The following DLGAP1 variants were observed in gnomAD, a reference collection of about 807,000 sequenced individuals.
DLGAP1 encodes disks large-associated protein 1.
Under a neutral mutation model 90.8 loss-of-function variants are expected in DLGAP1, and 11 were observed. The observed-to-expected ratio is 0.12, with a 90% CI of 0.08 to 0.20. The LOEUF (loss-of-function observed/expected upper bound fraction) is 0.20, where lower values mean the gene tolerates loss of function less well. Ranked by LOEUF, DLGAP1 falls within the 10% of genes least tolerant of loss-of-function variation. The pLI is 1.00. For missense variants in DLGAP1, 1,050 were observed against 1,333.8 expected (o/e 0.79, Z 3.31); for synonymous variants, 558 against 540.7 (o/e 1.03, Z -0.44).
At position 4,164,506 on chromosome 18, in the gene DLGAP1, C is replaced by T. The variant is rs549906649; in HGVS notation, c.-266-13219G>A. ...ACCAGCCTGGCCAACATGGTGAAAC[C>T]CCGTCCCTACTAAAAATACAAAAAT... is the stretch of plus-strand genomic sequence containing the variant. On this transcript the variant is annotated intron_variant, in intron 1 of 12. Coordinates refer to ENST00000315677, the MANE Select transcript of DLGAP1 (RefSeq NM_004746.4). Among the ~76,000 whole-genome samples the T allele has an allele frequency of 3.9e-5, 6 of 152,056 alleles. No homozygotes were observed. In the East Asian group the frequency reaches 9.7e-4, roughly 25 times the overall value.
intron 2 of DLGAP1, among the ~76,000 whole-genome samples, chr18:4,118,220 C>T (rs1339400270): frequency 6.6e-6 from 1 of 151,970 alleles, no homozygotes; most frequent in Non-Finnish European, 1.5e-5. Context: ...TAAAGCCAGC[C>T]CCTGCAGGCC....
chr18:3,936,936 C>A (rs1259250358), intron 3 of DLGAP1, among the ~76,000 whole-genome samples: 1 of 152,192 alleles, frequency 6.6e-6, no homozygotes, highest in Non-Finnish European at 1.5e-5. Flanking sequence ...GCATTGGAAA[C>A]TAGTCAACTC....
At chr18:3,683,952 T>TG (rs1335947989) in intron 7 of DLGAP1, among the ~76,000 whole-genome samples, 2 of 152,068 alleles carry the variant, frequency 1.3e-5, no homozygotes, top group African/African-American at 2.4e-5. Flanking sequence ...TCTCCCTCAC[T>TG]GGGGGGACAC....
intron 1 of DLGAP1, chr18:4,281,067 T>G (rs937853359): frequency 2.1e-4 from 32 of 152,340 alleles, no homozygotes; most frequent in African/African-American, 6.3e-4. Context: ...ACTATCAGCC[T>G]AATAATGTCT....
intron 9 of DLGAP1, among the ~76,000 whole-genome samples, chr18:3,541,038 G>A (rs566937271): frequency 2.6e-4 from 40 of 152,234 alleles, no homozygotes; most frequent in Admixed American, 8.5e-4. Flanking sequence ...GCCCCCAGAA[G>A]GAACTGCTTT....
intron 9 of DLGAP1, among the ~76,000 whole-genome samples, chr18:3,564,702 G>A (rs2054334785): frequency 6.6e-6 from 1 of 152,060 alleles, no homozygotes; most frequent in South Asian, 2.1e-4. Flanking sequence ...TCAATATTGA[G>A]CCTCCAACAA....
intron 1 of DLGAP1, among the ~76,000 whole-genome samples, chr18:4,339,151 C>T (rs1294536632): frequency 6.6e-6 from 1 of 152,172 alleles, no homozygotes; most frequent in Non-Finnish European, 1.5e-5. Context: ...TTTCAGTCTA[C>T]TGAGTTAAGT....
At chr18:3,767,870 G>T (rs2064327559) in intron 5 of DLGAP1, among the ~76,000 whole-genome samples, 1 of 152,052 alleles carries the variant, frequency 6.6e-6, no homozygotes. Context: ...ACAAGACAAA[G>T]ATTTCCACTC....
chr18:3,754,442 G>A (rs1268128001), intron 5 of DLGAP1, among the ~76,000 whole-genome samples: 1 of 151,362 alleles, frequency 6.6e-6, no homozygotes, highest in Non-Finnish European at 1.5e-5. Context: ...TGGAAGATTT[G>A]CAACAATTTG....
chr18:4,027,578 C>A (rs2074724681), intron 2 of DLGAP1, among the ~76,000 whole-genome samples: 1 of 143,852 alleles, frequency 7.0e-6, no homozygotes, highest in Non-Finnish European at 1.5e-5. Context: ...AGACGGCACA[C>A]TTACCTAGTG....
intron 3 of DLGAP1, among the ~76,000 whole-genome samples, chr18:3,980,683 T>C (rs933187514): frequency 2.6e-5 from 4 of 152,190 alleles, no homozygotes; most frequent in African/African-American, 9.7e-5. Context: ...CCCGATAGTT[T>C]GTCCATATGC....
At chr18:3,787,759 C>T (rs567654489) in intron 5 of DLGAP1, among the ~76,000 whole-genome samples, 1 of 152,152 alleles carries the variant, frequency 6.6e-6, no homozygotes, top group South Asian at 2.1e-4. Flanking sequence ...ACCGATACCC[C>T]AAAATATGGC....
chr18:3,818,152 A>G (rs1380467217), intron 4 of DLGAP1, among the ~76,000 whole-genome samples: 1 of 152,216 alleles, frequency 6.6e-6, no homozygotes. Flanking sequence ...TTTAAGCATT[A>G]GCACTCCAAC....
chr18:4,019,336 C>T (rs1004246873), intron 2 of DLGAP1, among the ~76,000 whole-genome samples: 3 of 152,062 alleles, frequency 2.0e-5, no homozygotes, highest in African/African-American at 7.2e-5. Flanking sequence ...CAGTGGTCTT[C>T]ATACCAAAAT....
intron 3 of DLGAP1, among the ~76,000 whole-genome samples, chr18:3,905,564 C>T (rs1274953869): frequency 1.3e-5 from 2 of 151,848 alleles, no homozygotes; most frequent in African/African-American, 4.8e-5. Flanking sequence ...GGTAACTCTC[C>T]CTCTTTCTTC....
chr18:3,725,169 G>T (rs2062122418), intron 7 of DLGAP1, among the ~76,000 whole-genome samples: 2 of 152,102 alleles, frequency 1.3e-5, no homozygotes, highest in African/African-American at 4.8e-5. Context: ...ACGAGTGTGT[G>T]CCTGTATTTG....
chr18:3,858,899 G>A (rs578143815), intron 4 of DLGAP1, among the ~76,000 whole-genome samples: 1 of 152,280 alleles, frequency 6.6e-6, no homozygotes, highest in African/African-American at 2.4e-5. Flanking sequence ...AGTGGTGGAT[G>A]AAGCTATTGA....
intron 7 of DLGAP1, among the ~76,000 whole-genome samples, chr18:3,635,101 C>G (rs2058650058): frequency 6.6e-6 from 1 of 151,188 alleles, no homozygotes; most frequent in Non-Finnish European, 1.5e-5. Flanking sequence ...GTTTCATATA[C>G]AAACTAGTCA....
chr18:3,523,673 C>G (rs776248856), intron 10 of DLGAP1, among the ~76,000 whole-genome samples: 88 of 151,976 alleles, frequency 5.8e-4, no homozygotes, highest in Non-Finnish European at 1.1e-3. Context: ...CGGTGAAACC[C>G]CGTCTCTACT....
Sources: allele counts gnomAD v4.1 joint callset (sites outside exome capture counted in the v4.1 genomes callset), GRCh38; gene constraint gnomAD v4.1.1; transcripts MANE v1.5; gene names NCBI Gene and HGNC (gene_info 2026-07-23, HGNC 2026-07-21).